Variants in LBHD1 observed in about 807,000 individuals in gnomAD.
LBHD1 encodes LBH domain containing 1.
Under a neutral mutation model 31.1 loss-of-function variants are expected in LBHD1, and 28 were observed. The ratio of observed to expected loss-of-function variants is 0.90; its 90% confidence interval spans 0.67 to 1.24. LBHD1 has a LOEUF of 1.24. Among genes scored for constraint, LBHD1 ranks in the 50% most tolerant of loss-of-function variants. LBHD1 has a pLI of 0.00. For synonymous variants in LBHD1, 105 were observed against 116.5 expected (o/e 0.90, Z 0.63); for missense variants, 350 against 323.0 (o/e 1.08, Z -0.64).
At position 62,670,033 on chromosome 11, in the gene LBHD1, G is replaced by A. The variant is rs1381565438; in HGVS notation, c.-2C>T. Reference sequence around the variant, plus strand: ...GCTTCTCCCTGGCACAAGGGCCATGGTGGTGATTCTTAGAGTGCAAGATGA... The same window carrying A: ...GCTTCTCCCTGGCACAAGGGCCATGATGGTGATTCTTAGAGTGCAAGATGA... On this transcript the variant is annotated 5_prime_UTR_variant, in exon 2 of 7. Transcript: ENST00000354588. The A allele has an allele frequency of 1.2e-6, 2 of 1,608,424 alleles. No homozygotes were observed. The highest frequency in any genetic ancestry group is 2.2e-5 in the East Asian group (1 of 44,868).
In LBHD1 at chr11:62,670,024, A is replaced by C; in HGVS notation, c.8T>G (p.Leu3Arg). 1.2e-6 allele frequency: 2 copies of C among 1,611,036 alleles called. No individual in the cohort carries two copies. The highest frequency in any genetic ancestry group is 1.7e-6 in the Non-Finnish European group (2 of 1,178,416). The change falls in exon 2 of 7, where the codon CTT becomes CGT. Residue 3 changes from leucine to arginine, a missense_variant. Leu to Arg is a moderately radical substitution (Grantham distance 102, BLOSUM62 -2). Transcript: ENST00000354588. The part of the protein sequence containing the change: MA[L>R]VPGRSKEDGL... Reference sequence around the variant, plus strand: ...ATCCTCCTTGCTTCTCCCTGGCACAAGGGCCATGGTGGTGATTCTTAGAGT... The same window carrying C: ...ATCCTCCTTGCTTCTCCCTGGCACACGGGCCATGGTGGTGATTCTTAGAGT...
chr11:62,665,528 G>C (rs1209578781), intron 4 of LBHD1: 2 of 1,569,914 alleles, frequency 1.3e-6, no homozygotes, highest in Non-Finnish European at 1.7e-6. Flanking sequence ...CGGTGCTGGC[G>C]GCTTCCCATC....
intron 4 of LBHD1, chr11:62,667,286 T>C (rs1207948962): frequency 1.6e-6 from 1 of 638,212 alleles, no homozygotes; most frequent in Non-Finnish European, 2.7e-6. Context: ...TAGCACAAAA[T>C]GAATGCTGAA....
chr11:62,665,681 G>C, intron 4 of LBHD1: 2 of 1,459,272 alleles, frequency 1.4e-6, no homozygotes, highest in Non-Finnish European at 1.8e-6. Flanking sequence ...TCCACTTCCC[G>C]CTGCAGCCAA....
At position 62,672,188 on chromosome 11, in the gene LBHD1, G is replaced by A. The variant is rs1168159881; in HGVS notation, c.-635C>T. 11 of 1,453,210 alleles carry A rather than the reference G, an allele frequency of 7.6e-6. No individual in the cohort carries two copies. Among genetic ancestry groups the A allele is most frequent in the South Asian group, 1.3e-5 (1 of 77,928 alleles). 90.0% of individuals were successfully genotyped at this position (1,453,210 alleles called of 1,614,324 possible). On this transcript the variant is annotated 5_prime_UTR_variant, in exon 1 of 7. Transcript: ENST00000354588. ...TCCGAGGCAGCCTTTCTCCTTCGTG[G>A]GCCCAGCGGAGAGTCCGGACCGAGA...
intron 4 of LBHD1, chr11:62,666,018 G>A: frequency 6.7e-7 from 1 of 1,500,264 alleles, no homozygotes; most frequent in South Asian, 1.2e-5. Flanking sequence ...GGTTCCTCGT[G>A]AGTCAGGAGT....
At chr11:62,669,492 C>T (rs1944900282) in intron 3 of LBHD1, 149 bp downstream of exon 3, 1 of 1,498,336 alleles carries the variant, frequency 6.7e-7, no homozygotes, top group African/African-American at 1.4e-5. Context: ...ACTTTGCCAG[C>T]TGCCTTTTCT....
Position 62,671,705 on chromosome 11 carries a change from G to T in LBHD1, c.-152C>A, listed in dbSNP as rs776099710. On this transcript the variant is annotated 5_prime_UTR_variant, in exon 1 of 7. Coordinates refer to ENST00000354588, the MANE Select transcript of LBHD1 (RefSeq NM_024099.5). Reference sequence around the variant, plus strand: ...CCGCGCGGCAACAGCTTGCGGCTGCGGGGAGCTCCCGTGGGCGCTCCGCTG... The same window carrying T: ...CCGCGCGGCAACAGCTTGCGGCTGCTGGGAGCTCCCGTGGGCGCTCCGCTG... The T allele has an allele frequency of 1.9e-6, 3 of 1,606,850 alleles. No individual in the cohort carries two copies. The South Asian group carries it at 3.3e-5, about 18-fold the overall frequency.
Position 62,664,924 on chromosome 11 carries a change from C to G in LBHD1, c.588G>C (p.Ala196=). 1.2e-6 allele frequency: 2 copies of G among 1,605,106 alleles called. No homozygotes were observed. The highest frequency in any genetic ancestry group is 8.5e-7 in the Non-Finnish European group (1 of 1,176,136). The change falls in exon 5 of 7, where the codon GCG becomes GCC. Residue 196 remains alanine (A), a synonymous_variant. Coordinates refer to ENST00000354588, the MANE Select transcript of LBHD1 (RefSeq NM_024099.5). ...VQTPAGVESG[A]ASEAPGGRGC... is the part of the protein sequence containing the mutation. Reference sequence around the variant, plus strand: ...CCCGACCACCCGGTGCCTCAGACGCCGCTCCCGATTCAACACCCGCCGGCG... The same window carrying G: ...CCCGACCACCCGGTGCCTCAGACGCGGCTCCCGATTCAACACCCGCCGGCG...
At position 62,663,339 on chromosome 11, in the gene LBHD1, G is replaced by A. The variant is rs759602549; in HGVS notation, c.664-6C>T. 6.2e-7 allele frequency: 1 copy of A among 1,612,608 alleles called. No homozygotes were observed. The highest frequency in any genetic ancestry group is 1.1e-5 in the South Asian group (1 of 91,004). On this transcript the variant is annotated splice_polypyrimidine_tract_variant and splice_region_variant and intron_variant, in intron 5 of 6. Coordinates refer to ENST00000354588, the MANE Select transcript of LBHD1 (RefSeq NM_024099.5). The stretch of plus-strand genomic sequence containing the variant: ...TGTTGGCACGTGCACTGGACCTGAT[G>A]GGTAAGTGGAAATAAAGAGAGCTAG...
chr11:62,668,683 G>A (rs1158438676), intron 3 of LBHD1, among the ~76,000 whole-genome samples: 1 of 150,916 alleles, frequency 6.6e-6, no homozygotes, highest in African/African-American at 2.4e-5. Context: ...GGTGCCTGTA[G>A]TCCCAGCTAC....
chr11:62,671,461 ACTCTCCCC>A (rs1944940953), intron 1 of LBHD1, 95 bp downstream of exon 1: 3 of 1,325,858 alleles, frequency 2.3e-6, no homozygotes, highest in Non-Finnish European at 2.9e-6. Context: ...GAAGACACGC[ACTCTCCCC>A]CTAGCAATCC....
intron 4 of LBHD1, 94 bp from the exon 5 acceptor site, chr11:62,665,067 T>C: frequency 6.4e-7 from 1 of 1,556,804 alleles, no homozygotes; most frequent in Non-Finnish European, 8.7e-7. Flanking sequence ...TGATCCCATC[T>C]CGTGCGAGAT....
rs3809078 is a variant in LBHD1, at chr11:62,671,358, T to G, written c.-11+206A>C. 55 of 1,258,976 alleles carry G rather than the reference T, an allele frequency of 4.4e-5. No individual in the cohort carries two copies. The East Asian group carries it at 3.0e-3, about 69-fold the overall frequency. 78.0% of individuals were successfully genotyped at this position (1,258,976 alleles called of 1,614,324 possible). ...GCTGTGTTGAAAACGCGCGGGTGAC[T>G]GCAGGAAACCACAGAGCACAGCTCG... is the stretch of plus-strand genomic sequence containing the variant. On this transcript the variant is annotated intron_variant, in intron 1 of 6. Transcript: ENST00000354588.
At chr11:62,667,322 C>A in intron 4 of LBHD1, 1 of 653,054 alleles carries the variant, frequency 1.5e-6, no homozygotes, top group Non-Finnish European at 2.6e-6. Context: ...TGGGTCATTC[C>A]CCAGTTTCAA....
At chr11:62,665,158 C>T in intron 4 of LBHD1, 185 bp from the exon 5 acceptor site, 3 of 920,622 alleles carry the variant, frequency 3.3e-6, no homozygotes, top group Non-Finnish European at 5.1e-6. Context: ...TCTTTCCCCC[C>T]GGAGCTCCCA....
intron 4 of LBHD1, chr11:62,666,485 T>C (rs777003067): frequency 1.9e-6 from 3 of 1,614,048 alleles, no homozygotes; most frequent in Admixed American, 3.3e-5. Context: ...CACCTTCGAC[T>C]GGTTCTTTGG....
At chr11:62,667,859 G>C in intron 3 of LBHD1, 112 bp from the exon 4 acceptor site, 1 of 747,582 alleles carries the variant, frequency 1.3e-6, no homozygotes, top group South Asian at 1.7e-5. Flanking sequence ...GGGAGGCCAA[G>C]GTGGGCAGAT....
At chr11:62,665,333 G>A (rs563390035) in intron 4 of LBHD1, 9 of 754,644 alleles carry the variant, frequency 1.2e-5, no homozygotes, top group Middle Eastern at 3.6e-4. Flanking sequence ...TGGTGAGCTA[G>A]TAAGTGTGGT....
Sources: allele counts gnomAD v4.1 joint callset (sites outside exome capture counted in the v4.1 genomes callset), GRCh38; gene constraint gnomAD v4.1.1; transcripts MANE v1.5; gene names NCBI Gene and HGNC (gene_info 2026-07-23, HGNC 2026-07-21).